The following FECH variants were observed in gnomAD, a reference collection of about 807,000 sequenced individuals.
FECH encodes the protein ferrochelatase.
A neutral mutation model predicts 56.9 loss-of-function variants in FECH; 40 were observed. The ratio of observed to expected loss-of-function variants is 0.70; its 90% CI spans 0.55 to 0.92. The LOEUF is 0.92. Among genes scored for constraint, FECH ranks in the 40% least tolerant of loss-of-function variants. FECH has a pLI of 0.00. For synonymous variants in FECH, 175 were observed against 198.6 expected (o/e 0.88, Z 1.00); for missense variants, 431 against 529.1 (o/e 0.81, Z 1.82).
intron 2 of FECH, among the ~76,000 whole-genome samples, chr18:57,577,664 T>C (rs1328735896): frequency 6.6e-6 from 1 of 150,590 alleles, no homozygotes; most frequent in Non-Finnish European, 1.5e-5. Flanking sequence ...CAAGTATTTA[T>C]GATGATAAAG....
intron 1 of FECH, 40 bp downstream of exon 1, chr18:57,586,514 G>A (rs752928996): frequency 2.0e-6 from 3 of 1,518,380 alleles, no homozygotes; most frequent in Non-Finnish European, 2.6e-6. Context: ...GCCTTCTCAG[G>A]GATCCTGGCC....
rs2269219 is a variant in FECH at position 57,580,222 on chromosome 18, G to A, written c.68-23C>T. The A allele has an allele frequency of 0.2, 325,441 of 1,613,044 alleles. 38,415 individuals carry two copies. Among genetic ancestry groups the A allele is most frequent in the African/African-American group, 0.45 (33,721 of 74,900 alleles). ...CCACTGTGACAAAATTAAAGTGCTC[G>A]CATGAAATCTAGCTAGAAAGTAATT... On this transcript the variant is annotated intron_variant, in intron 1 of 10. Transcript: ENST00000262093.
In FECH at chr18:57,586,573, G is replaced by T. The variant is rs781703079; in HGVS notation, c.48C>A (p.Gly16=). The T allele has an allele frequency of 1.1e-5, 16 of 1,521,858 alleles. No individual in the cohort carries two copies. The highest frequency in any genetic ancestry group is 1.4e-5 in the Non-Finnish European group (16 of 1,141,678). The allele number at this position is 1,521,858 out of a possible 1,614,324, so 94.3% of individuals were successfully genotyped here. A position where few individuals can be genotyped will look rare whatever the true frequency, so the allele number is the denominator to read the frequency against. ...ACTTACGCGGATCGCGGAGCAGGAC[G>T]CCCGCGGCGCGCAGGGCCGCAGCCA... is the stretch of plus-strand genomic sequence containing the variant. ...ANMAAALRAA[G]VLLRDPLASS... The change falls in exon 1 of 11, where the codon GGC becomes GGA. Residue 16 remains glycine, a synonymous_variant. Coordinates refer to ENST00000262093, the MANE Select transcript of FECH (RefSeq NM_000140.5).
chr18:57,577,754 A>G (rs879515049), intron 2 of FECH, among the ~76,000 whole-genome samples: 1 of 152,244 alleles, frequency 6.6e-6, no homozygotes, highest in Non-Finnish European at 1.5e-5. Flanking sequence ...TGAATATTTA[A>G]TAGTCATACA....
At chr18:57,570,601 T>C (rs1425569350) in intron 4 of FECH, among the ~76,000 whole-genome samples, 1 of 152,264 alleles carries the variant, frequency 6.6e-6, no homozygotes, top group African/African-American at 2.4e-5. Context: ...ATATTTGCAA[T>C]GAATGTAATT....
chr18:57,583,853 C>T (rs1340414975), intron 1 of FECH, among the ~76,000 whole-genome samples: 1 of 151,644 alleles, frequency 6.6e-6, no homozygotes, highest in East Asian at 1.9e-4. Context: ...ATGATCAAAC[C>T]GACAGATAAG....
chr18:57,562,972 A>C lies in FECH; in HGVS notation c.607T>G (p.Leu203Val). 6.2e-7 allele frequency: 1 copy of C among 1,613,888 alleles called. No individual in the cohort carries two copies. Among genetic ancestry groups the C allele is most frequent in the Non-Finnish European group, 8.5e-7 (1 of 1,179,828 alleles). ...QYSCSTTGSS[L>V]NAIYRYYNQV... Reference sequence around the variant, plus strand: ...TTATAGTATCTGTAAATGGCATTTAAGCTGCTGCCTGAAATATACAGAGAC... The same window carrying C: ...TTATAGTATCTGTAAATGGCATTTACGCTGCTGCCTGAAATATACAGAGAC... The change falls in exon 6 of 11, where the codon TTA (leucine) becomes GTA (valine). Residue 203 changes from leucine to valine, a missense_variant. Leu to Val is a conservative substitution (Grantham distance 32, BLOSUM62 1). Transcript: ENST00000262093.
chr18:57,570,036 TGTGTGTGTGTGTGTGTGTGTG>T (rs2051078181), intron 4 of FECH, among the ~76,000 whole-genome samples: 2 of 63,028 alleles, frequency 3.2e-5, no homozygotes, highest in African/African-American at 9.0e-5. Flanking sequence ...TGTTGTCGTG[TGTGTGTGTGTGTGTGTGTGTG>T]TGTGTGTGTG....
intron 9 of FECH, among the ~76,000 whole-genome samples, chr18:57,552,103 C>T (rs549777): frequency 0.25 from 37,517 of 151,532 alleles, 5,314 homozygotes; most frequent in African/African-American, 0.39. Context: ...AGGCTGGTCT[C>T]GAACTCCTGA....
intron 2 of FECH, among the ~76,000 whole-genome samples, chr18:57,575,510 A>G (rs1436195482): frequency 6.6e-6 from 1 of 152,156 alleles, no homozygotes; most frequent in Non-Finnish European, 1.5e-5. Context: ...TTGCACAAAC[A>G]AAGCTCACTG....
At chr18:57,570,897 A>G (rs112779113) in intron 4 of FECH, among the ~76,000 whole-genome samples, 11 of 152,350 alleles carry the variant, frequency 7.2e-5, no homozygotes, top group African/African-American at 2.6e-4. Context: ...TCAATACCTT[A>G]CAATGGTGAT....
chr18:57,575,543 A>G (rs1488700076), intron 2 of FECH, among the ~76,000 whole-genome samples: 1 of 152,196 alleles, frequency 6.6e-6, no homozygotes, highest in East Asian at 1.9e-4. Flanking sequence ...CCCGGGCTCA[A>G]GTGATCCTCC....
rs1442869116 is a variant in FECH, at chr18:57,546,462, A to C, written c.*4250T>G. ...TCCACTTGGGGTATGGCTGCAGCCTAATCTCTCACCCTTTGTGGGTAATAA... is the reference window on the plus strand; with the variant it reads ...TCCACTTGGGGTATGGCTGCAGCCTCATCTCTCACCCTTTGTGGGTAATAA... On this transcript the variant is annotated 3_prime_UTR_variant, in exon 11 of 11. Coordinates refer to ENST00000262093, the MANE Select transcript of FECH (RefSeq NM_000140.5). Among the ~76,000 whole-genome samples the C allele has an allele frequency of 6.6e-6, 1 of 152,190 alleles. No individual in the cohort carries two copies. The highest frequency in any genetic ancestry group is 1.5e-5 in the Non-Finnish European group (1 of 68,028).
intron 6 of FECH, among the ~76,000 whole-genome samples, chr18:57,560,257 C>G (rs2050925986): frequency 6.6e-6 from 1 of 152,052 alleles, no homozygotes; most frequent in African/African-American, 2.4e-5. Flanking sequence ...TCAAATGGGT[C>G]AGAAAAAGAA....
At chr18:57,583,525 C>A (rs1194976769) in intron 1 of FECH, among the ~76,000 whole-genome samples, 1 of 152,200 alleles carries the variant, frequency 6.6e-6, no homozygotes, top group African/African-American at 2.4e-5. Context: ...TATGTCCAGC[C>A]CCAAGAGCAA....
In FECH at chr18:57,545,307, T is replaced by G. The variant is rs1236048175; in HGVS notation, c.*5405A>C. ...TCTTAATGGCCTACTGTAGCCTAAT[T>G]TAGCCAATAGCTGTTATTCTAAAAA... On this transcript the variant is annotated 3_prime_UTR_variant, in exon 11 of 11. Coordinates refer to ENST00000262093, the MANE Select transcript of FECH (RefSeq NM_000140.5). Among the ~76,000 whole-genome samples, 1 of 152,234 alleles carries G rather than the reference T, an allele frequency of 6.6e-6. No individual in the cohort carries two copies. Among genetic ancestry groups the G allele is most frequent in the African/African-American group, 2.4e-5 (1 of 41,458 alleles).
At chr18:57,553,058 C>T (rs989927387) in intron 9 of FECH, among the ~76,000 whole-genome samples, 6 of 152,116 alleles carry the variant, frequency 3.9e-5, no homozygotes, top group Admixed American at 3.9e-4. Flanking sequence ...CAGATTTCAT[C>T]TCTAAGCAAA....
intron 5 of FECH, among the ~76,000 whole-genome samples, chr18:57,566,014 G>A (rs2051011208): frequency 6.6e-6 from 1 of 152,180 alleles, no homozygotes; most frequent in Non-Finnish European, 1.5e-5. Flanking sequence ...GCAAAACAAC[G>A]ACAACAGCAA....
Position 57,551,306 on chromosome 18 carries a change from T to C in FECH, c.1137+9A>G. On this transcript the variant is annotated intron_variant, in intron 10 of 10. Transcript: ENST00000262093. ...TGTTCTACTAAAACGATTGTAACAC[T>C]GTAGATACCTTAGAGAACAATGGAT... 6.3e-7 allele frequency: 1 copy of C among 1,598,552 alleles called. No homozygotes were observed. Among genetic ancestry groups the C allele is most frequent in the South Asian group, 1.1e-5 (1 of 90,718 alleles).
Sources: allele counts gnomAD v4.1 joint callset (sites outside exome capture counted in the v4.1 genomes callset), GRCh38; gene constraint gnomAD v4.1.1; transcripts MANE v1.5; gene names NCBI Gene and HGNC (gene_info 2026-07-23, HGNC 2026-07-21).